The following SRGAP3 variants were observed in gnomAD, a reference collection of about 807,000 sequenced individuals.
The protein encoded by SRGAP3 is SLIT-ROBO Rho GTPase-activating protein 3.
A neutral mutation model predicts 121.1 loss-of-function variants in SRGAP3; 39 were observed. The observed-to-expected ratio is 0.32, with a 90% confidence interval of 0.25 to 0.42. The LOEUF (loss-of-function observed/expected upper bound fraction) is 0.42, where lower values mean the gene tolerates loss of function less well. Among genes scored for constraint, SRGAP3 ranks in the 10% least tolerant of loss-of-function variants. SRGAP3 has a pLI of 1.00. For missense variants in SRGAP3, 1,213 were observed against 1,470.6 expected (o/e 0.82, Z 2.86); for synonymous variants, 601 against 570.0 (o/e 1.05, Z -0.77).
At chr3:9,286,599 C>T (rs71314335) in intron 3 of SRGAP3, among the ~76,000 whole-genome samples, 21,631 of 151,662 alleles carry the variant, frequency 0.14, 1,838 homozygotes, top group South Asian at 0.19. Flanking sequence ...TTGTTTTTGT[C>T]GTTGTTGTTG....
intron 4 of SRGAP3, among the ~76,000 whole-genome samples, chr3:9,076,305 C>T (rs2125251816): frequency 6.6e-6 from 1 of 152,246 alleles, no homozygotes; most frequent in South Asian, 2.1e-4. Context: ...AAATAAGTCA[C>T]TTCTCTGTGC....
At chr3:9,336,266 T>C (rs1295843834) in intron 1 of SRGAP3, among the ~76,000 whole-genome samples, 1 of 150,600 alleles carries the variant, frequency 6.6e-6, no homozygotes, top group Non-Finnish European at 1.5e-5. Flanking sequence ...ACCCAGACTA[T>C]AGTTCAGTGG....
chr3:9,040,208 T>C (rs762632517), intron 10 of SRGAP3, among the ~76,000 whole-genome samples: 51 of 152,234 alleles, frequency 3.4e-4, no homozygotes, highest in Non-Finnish European at 5.1e-4. Context: ...CTCTTTAAAC[T>C]GTAAATCAGA....
chr3:9,089,052 A>G (rs1279582757), intron 3 of SRGAP3, among the ~76,000 whole-genome samples: 1 of 152,020 alleles, frequency 6.6e-6, no homozygotes, highest in Admixed American at 6.6e-5. Context: ...GATTCCATTT[A>G]CACGGGTGTT....
rs1017453305 is a variant in SRGAP3 at position 9,059,642 on chromosome 3, C to T, written c.801+589G>A. ...CACCACCGCTCACAGTGTTCTTTCTCCCAGTCTGCTTGTCCCTGTGGCGTG... is the reference window on the plus strand; with the variant it reads ...CACCACCGCTCACAGTGTTCTTTCTTCCAGTCTGCTTGTCCCTGTGGCGTG... On this transcript the variant is annotated intron_variant, in intron 6 of 21. Transcript: ENST00000383836. The T allele has an allele frequency of 2.3e-5, 4 of 177,582 alleles. No individual in the cohort carries two copies. In the South Asian group the frequency reaches 5.3e-4, roughly 24 times the overall value. 11.0% of individuals were successfully genotyped at this position (177,582 alleles called of 1,614,324 possible).
At chr3:9,088,808 G>A (rs1327946238) in intron 3 of SRGAP3, among the ~76,000 whole-genome samples, 3 of 152,102 alleles carry the variant, frequency 2.0e-5, no homozygotes, top group Non-Finnish European at 4.4e-5. Context: ...AGCGTCTCTG[G>A]TAATTCTAGA....
At chr3:9,324,944 C>A (rs1051729564) in intron 3 of SRGAP3, among the ~76,000 whole-genome samples, 10 of 150,398 alleles carry the variant, frequency 6.6e-5, no homozygotes, top group African/African-American at 2.4e-4. Context: ...GCGACAGAGC[C>A]AGACTCCATC....
At chr3:9,096,476 T>G (rs1473585216) in intron 3 of SRGAP3, among the ~76,000 whole-genome samples, 2 of 152,218 alleles carry the variant, frequency 1.3e-5, no homozygotes. Context: ...TGCTGAACTC[T>G]CTTCAGCAGC....
intron 3 of SRGAP3, among the ~76,000 whole-genome samples, chr3:9,096,534 T>G (rs2124878511): frequency 6.6e-6 from 1 of 152,130 alleles, no homozygotes; most frequent in South Asian, 2.1e-4. Context: ...TCAGGCGGAG[T>G]TCCTATTTAT....
chr3:9,011,208 C>G lies in SRGAP3; in HGVS notation c.2148-821G>C, dbSNP rs189260851. Among the ~76,000 whole-genome samples, 10 of 152,136 alleles carry G rather than the reference C, an allele frequency of 6.6e-5. No homozygotes were observed. The East Asian group carries it at 1.2e-3, about 18-fold the overall frequency. ...GAAGTAAATAGGCCATTAAATAAGACAGTTGCAAGTTATGTTATGTAGTGT... is the reference window on the plus strand; with the variant it reads ...GAAGTAAATAGGCCATTAAATAAGAGAGTTGCAAGTTATGTTATGTAGTGT... On this transcript the variant is annotated intron_variant, in intron 17 of 21. Transcript: ENST00000383836.
intron 3 of SRGAP3, among the ~76,000 whole-genome samples, chr3:9,087,870 G>GCCGATCA (rs1179217383): frequency 6.6e-6 from 1 of 152,158 alleles, no homozygotes; most frequent in Non-Finnish European, 1.5e-5. Flanking sequence ...CTCTTCCCCA[G>GCCGATCA]GACTGTAAGC....
intron 3 of SRGAP3, among the ~76,000 whole-genome samples, chr3:9,316,411 C>T (rs1235924475): frequency 6.7e-6 from 1 of 150,238 alleles, no homozygotes; most frequent in Non-Finnish European, 1.5e-5. Context: ...GTAATCCCAG[C>T]ACTTTGGGAG....
chr3:9,045,307 G>A (rs1945210067), intron 10 of SRGAP3, among the ~76,000 whole-genome samples: 1 of 152,066 alleles, frequency 6.6e-6, no homozygotes, highest in African/African-American at 2.4e-5. Flanking sequence ...CAGGATTACG[G>A]AGACTCTTCC....
intron 1 of SRGAP3, among the ~76,000 whole-genome samples, chr3:9,334,728 C>T (rs1337566116): frequency 6.6e-6 from 1 of 152,118 alleles, no homozygotes; most frequent in East Asian, 1.9e-4. Context: ...GACTGACAGT[C>T]AACTACCCAA....
chr3:9,099,936 G>T (rs986195827), intron 3 of SRGAP3, among the ~76,000 whole-genome samples: 2 of 152,200 alleles, frequency 1.3e-5, no homozygotes, highest in African/African-American at 4.8e-5. Flanking sequence ...ACGCCAGCAG[G>T]GTCAGTGGAG....
intron 1 of SRGAP3, among the ~76,000 whole-genome samples, chr3:9,157,697 A>C (rs1950464825): frequency 6.6e-6 from 1 of 152,198 alleles, no homozygotes; most frequent in African/African-American, 2.4e-5. Context: ...CCTTCTCTAA[A>C]TTATGCTGGG....
At chr3:9,196,850 G>A (rs980238306) in intron 1 of SRGAP3, among the ~76,000 whole-genome samples, 1 of 152,206 alleles carries the variant, frequency 6.6e-6, no homozygotes, top group Non-Finnish European at 1.5e-5. Context: ...AACAGCCAAA[G>A]GTCAGGCAGC....
chr3:9,307,488 G>A (rs958395125), intron 3 of SRGAP3, among the ~76,000 whole-genome samples: 1 of 152,158 alleles, frequency 6.6e-6, no homozygotes, highest in Non-Finnish European at 1.5e-5. Flanking sequence ...ATGAACCTAC[G>A]ACCCAGCTAT....
chr3:9,256,295 G>A (rs529013983), intron 3 of SRGAP3, among the ~76,000 whole-genome samples: 4 of 152,200 alleles, frequency 2.6e-5, no homozygotes, highest in Non-Finnish European at 5.9e-5. Context: ...CTGAGCCCCA[G>A]ATCCTAATTC....
Sources: allele counts gnomAD v4.1 joint callset (sites outside exome capture counted in the v4.1 genomes callset), GRCh38; gene constraint gnomAD v4.1.1; transcripts MANE v1.5; gene names NCBI Gene and HGNC (gene_info 2026-07-23, HGNC 2026-07-21).